ZNF398: variants seen among roughly 807,000 people sequenced by gnomAD.
The protein encoded by ZNF398 is zinc finger protein 398.
Under a neutral mutation model 41.9 loss-of-function variants are expected in ZNF398, and 18 were observed. That is an observed-to-expected ratio of 0.43 (90% CI 0.30 to 0.64). The LOEUF is 0.64. Among genes scored for constraint, ZNF398 ranks in the 30% least tolerant of loss-of-function variants. The probability of loss-of-function intolerance (pLI) is 0.14; values close to 1 mark genes in which losing one functional copy is unlikely to be tolerated. For missense variants in ZNF398, 669 were observed against 822.8 expected, an observed-to-expected ratio of 0.81 and a Z score of 2.29; for synonymous variants, 260 against 308.8, an observed-to-expected ratio of 0.84 and a Z score of 1.66.
intron 4 of ZNF398, among the ~76,000 whole-genome samples, chr7:149,173,385 G>A (rs1795392197): frequency 1.3e-5 from 2 of 152,060 alleles, no homozygotes; most frequent in Admixed American, 1.3e-4. Context: ...GGGATTACAA[G>A]CGTGAGCCAC....
upstream of ZNF398, among the ~76,000 whole-genome samples, chr7:149,143,001 TTAGTA>T (rs980443740): frequency 6.6e-6 from 1 of 152,116 alleles, no homozygotes; most frequent in African/African-American, 2.4e-5. Context: ...CGATGATTGA[TTAGTA>T]TAGTGGCATG....
chr7:149,175,194 G>C (rs191275133), intron 4 of ZNF398, among the ~76,000 whole-genome samples: 1 of 152,156 alleles, frequency 6.6e-6, no homozygotes, highest in East Asian at 1.9e-4. Context: ...GAAGACATTG[G>C]GTAAAGTAGT....
chr7:149,139,427 T>G (rs115071418), intron 2 of ZNF398, among the ~76,000 whole-genome samples: 115 of 152,148 alleles, frequency 7.6e-4, no homozygotes, highest in African/African-American at 2.5e-3. Flanking sequence ...CTTAAAGTAT[T>G]AAATCTAATG....
chr7:149,153,868 TC>T, intron 1 of ZNF398, 76 bp from the exon 2 acceptor site: 1 of 1,497,012 alleles, frequency 6.7e-7, no homozygotes, highest in South Asian at 1.3e-5. Context: ...AGTTAAGCAG[TC>T]CTTATCTGAT....
In ZNF398 at chr7:149,182,259, C is replaced by CGAT. The variant is rs1164058388; in HGVS notation, c.*2460_*2462dup. The CGAT allele has an allele frequency of 6.6e-6, 1 of 152,168 alleles. No individual in the cohort carries two copies. The highest frequency in any genetic ancestry group is 1.5e-5 in the Non-Finnish European group (1 of 68,042). 9.4% of individuals were successfully genotyped at this position (152,168 alleles called of 1,614,324 possible). ...AAGAGCCCTCAGATGGAACGAAAGG[C>CGAT]GATGTGCAAGGCCATCCCAGAGAGA... On this transcript the variant is annotated 3_prime_UTR_variant, in exon 6 of 6. Coordinates refer to ENST00000475153, the MANE Select transcript of ZNF398 (RefSeq NM_170686.3).
At position 149,147,796 on chromosome 7, in the gene ZNF398, G is replaced by T; in HGVS notation, c.24+30G>T. The T allele has an allele frequency of 1.4e-6, 2 of 1,384,756 alleles. No homozygotes were observed. The highest frequency in any genetic ancestry group is 9.4e-7 in the Non-Finnish European group (1 of 1,066,254). The allele number at this position is 1,384,756 out of a possible 1,614,324, so 85.8% of individuals were successfully genotyped here. The stretch of plus-strand genomic sequence containing the variant: ...GGGCGGCCGCGCGCGAGTGTTGTGA[G>T]CCCCCGAGACCCAGACCCCGAGGGA... On this transcript the variant is annotated intron_variant, in intron 1 of 5. Transcript: ENST00000475153. The surrounding 1 kb of genome is among the most constrained non-coding windows in gnomAD (Gnocchi z 5.6).
intron 2 of ZNF398, among the ~76,000 whole-genome samples, chr7:149,131,242 T>C (rs1826588643): frequency 6.6e-6 from 1 of 152,220 alleles, no homozygotes; most frequent in African/African-American, 2.4e-5. Context: ...TAGTTGCTAA[T>C]GATACAAAAA....
upstream of ZNF398, among the ~76,000 whole-genome samples, chr7:149,142,624 G>C (rs534591278): frequency 6.6e-6 from 1 of 152,190 alleles, no homozygotes; most frequent in Admixed American, 6.5e-5. Flanking sequence ...CCAAGATCGC[G>C]CCACTGCACT....
At chr7:149,170,991 G>T (rs537417625) in intron 4 of ZNF398, among the ~76,000 whole-genome samples, 1 of 147,592 alleles carries the variant, frequency 6.8e-6, no homozygotes, top group Admixed American at 6.8e-5. Context: ...CTGCAGGCAC[G>T]TGCCACCACG....
intron 5 of ZNF398, among the ~76,000 whole-genome samples, chr7:149,176,899 G>A (rs548433785): frequency 1.1e-4 from 17 of 152,180 alleles, no homozygotes; most frequent in African/African-American, 4.1e-4. Context: ...GGTAGAAAAC[G>A]TGGGAGTGGG....
At chr7:149,143,249 T>G (rs982000436), upstream of ZNF398, among the ~76,000 whole-genome samples, 3 of 152,216 alleles carry the variant, frequency 2.0e-5, no homozygotes, top group Admixed American at 1.3e-4. Context: ...TATTACGTCC[T>G]TCTAAAGCTG....
intron 2 of ZNF398, among the ~76,000 whole-genome samples, chr7:149,159,037 G>A (rs1327290984): frequency 2.0e-5 from 3 of 149,752 alleles, no homozygotes; most frequent in African/African-American, 7.4e-5. Flanking sequence ...GCAGTGCAGT[G>A]GCGTGATCTC....
At chr7:149,162,163 A>G (rs1388748779) in intron 2 of ZNF398, among the ~76,000 whole-genome samples, 1 of 151,788 alleles carries the variant, frequency 6.6e-6, no homozygotes, top group African/African-American at 2.4e-5. Context: ...CTGGGACTAC[A>G]GGTGTGCATT....
chr7:149,148,813 TAA>T (rs1388897533), intron 1 of ZNF398, among the ~76,000 whole-genome samples: 3 of 147,460 alleles, frequency 2.0e-5, no homozygotes, highest in Non-Finnish European at 4.5e-5. Context: ...CACAAATTCG[TAA>T]ACTTTCCTAG....
chr7:149,167,808 T>G (rs1308402770), intron 4 of ZNF398, among the ~76,000 whole-genome samples: 4 of 151,876 alleles, frequency 2.6e-5, no homozygotes, highest in Non-Finnish European at 4.4e-5. Flanking sequence ...AGATGGGGTT[T>G]CACCATGTTA....
chr7:149,179,808 A>G lies in ZNF398; in HGVS notation c.*7A>G. 2 of 1,557,686 alleles carry G rather than the reference A, an allele frequency of 1.3e-6. No homozygotes were observed. The highest frequency in any genetic ancestry group is 1.7e-6 in the Non-Finnish European group (2 of 1,149,538). On this transcript the variant is annotated 3_prime_UTR_variant, in exon 6 of 6. Coordinates refer to ENST00000475153, the MANE Select transcript of ZNF398 (RefSeq NM_170686.3). This position sits in a 1 kb window ranked among gnomAD's most constrained non-coding sequence, Gnocchi z 6.1. ...TGGAGGGGGAGTTTTGTAAATCCAA[A>G]TCTCTGTGGCTTCATGCTTGTATAT...
chr7:149,159,242 A>T (rs1795048402), intron 2 of ZNF398, among the ~76,000 whole-genome samples: 1 of 151,818 alleles, frequency 6.6e-6, no homozygotes, highest in African/African-American at 2.4e-5. Context: ...GCGCCTGGCC[A>T]TCTCTTAAAT....
At chr7:149,131,379 G>C (rs1011761159) in intron 2 of ZNF398, among the ~76,000 whole-genome samples, 2 of 152,052 alleles carry the variant, frequency 1.3e-5, no homozygotes, top group Non-Finnish European at 2.9e-5. Flanking sequence ...ATTTTACTAT[G>C]GGCAATTCTT....
At chr7:149,166,450 A>T (rs1253499893) in intron 3 of ZNF398, among the ~76,000 whole-genome samples, 166 bp downstream of exon 3, 1 of 152,196 alleles carries the variant, frequency 6.6e-6, no homozygotes, top group Admixed American at 6.6e-5. Context: ...TAGGAATCAT[A>T]ATCTCTCTTT....
Sources: gnomAD v4.1 joint callset for allele counts (sites outside exome capture counted in the v4.1 genomes callset) on GRCh38, gnomAD v4.1.1 for gene constraint, Gnocchi (gnomAD v3.1) non-coding constraint, MANE v1.5 for transcripts, NCBI Gene and HGNC (gene_info 2026-07-23, HGNC 2026-07-21) for gene names.